PXDNL: variants seen among roughly 807,000 people sequenced by gnomAD.
The protein encoded by PXDNL is probable oxidoreductase PXDNL.
Under a neutral mutation model 150.8 loss-of-function variants are expected in PXDNL, and 145 were observed. The ratio of observed to expected loss-of-function variants is 0.96; its 90% CI spans 0.84 to 1.10. The LOEUF (loss-of-function observed/expected upper bound fraction) is 1.10. Among genes scored for constraint, PXDNL ranks in the 50% least tolerant of loss-of-function variants. The pLI is 0.00. For synonymous variants in PXDNL, 757 were observed against 725.7 expected (o/e 1.04, Z -0.69); for missense variants, 2,087 against 1,873.9 (o/e 1.11, Z -2.10).
chr8:51,436,057 G>A, intron 12 of PXDNL: 2 of 522,474 alleles, frequency 3.8e-6, no homozygotes, highest in Non-Finnish European at 7.8e-6. Flanking sequence ...TAGCCTAGCT[G>A]AACTACAGAT....
chr8:51,496,268 T>C (rs1409149863), intron 5 of PXDNL, among the ~76,000 whole-genome samples: 1 of 152,204 alleles, frequency 6.6e-6, no homozygotes, highest in East Asian at 1.9e-4. Context: ...TAGGTATTGA[T>C]GAGATGTATC....
chr8:51,734,826 G>A (rs1817001269), intron 1 of PXDNL, among the ~76,000 whole-genome samples: 2 of 152,192 alleles, frequency 1.3e-5, no homozygotes, highest in African/African-American at 4.8e-5. Context: ...AGAAATCTGA[G>A]CATGAAAGGC....
At chr8:51,707,755 T>C (rs1195977968) in intron 1 of PXDNL, among the ~76,000 whole-genome samples, 1 of 152,208 alleles carries the variant, frequency 6.6e-6, no homozygotes, top group African/African-American at 2.4e-5. Flanking sequence ...ATTCTTCATA[T>C]GAATGGAATC....
chr8:51,746,151 A>T (rs1488222014), intron 1 of PXDNL, among the ~76,000 whole-genome samples: 2 of 152,226 alleles, frequency 1.3e-5, no homozygotes, highest in Non-Finnish European at 2.9e-5. Context: ...CCAGAGATGT[A>T]GCCATCATCT....
chr8:51,590,556 T>C (rs903115408), intron 3 of PXDNL, among the ~76,000 whole-genome samples: 34 of 152,102 alleles, frequency 2.2e-4, no homozygotes, highest in African/African-American at 8.0e-4. Flanking sequence ...AGGTGGCAAA[T>C]GGAGTAAATG....
intron 1 of PXDNL, among the ~76,000 whole-genome samples, chr8:51,706,871 A>G (rs1293496523): frequency 6.6e-6 from 1 of 152,178 alleles, no homozygotes; most frequent in Non-Finnish European, 1.5e-5. Flanking sequence ...ACAGACGTCA[A>G]CCTTTGAAGC....
At chr8:51,352,016 A>T (rs1389135769) in intron 19 of PXDNL, among the ~76,000 whole-genome samples, 1 of 152,084 alleles carries the variant, frequency 6.6e-6, no homozygotes, top group Non-Finnish European at 1.5e-5. Flanking sequence ...AGCAGGTCAC[A>T]GGTTCTGCTC....
At chr8:51,506,908 T>A (rs1346873870) in intron 4 of PXDNL, among the ~76,000 whole-genome samples, 1 of 152,188 alleles carries the variant, frequency 6.6e-6, no homozygotes, top group Non-Finnish European at 1.5e-5. Context: ...ACCAAATTCA[T>A]TATCTCTGGA....
intron 1 of PXDNL, among the ~76,000 whole-genome samples, chr8:51,790,708 G>A (rs1449923099): frequency 1.1e-5 from 1 of 88,712 alleles, no homozygotes; most frequent in Non-Finnish European, 3.2e-5. Flanking sequence ...CAGCGGGGGC[G>A]AGGTCCGGAT....
At chr8:51,435,841 A>G in intron 12 of PXDNL, 1 of 447,656 alleles carries the variant, frequency 2.2e-6, no homozygotes, top group Non-Finnish European at 4.5e-6. Flanking sequence ...CATTTTATGC[A>G]GGACTTGAGA....
intron 3 of PXDNL, among the ~76,000 whole-genome samples, chr8:51,564,800 G>T (rs971204402): frequency 6.6e-6 from 1 of 151,928 alleles, no homozygotes. Context: ...GTGAAATTTT[G>T]TATATGGGAA....
chr8:51,727,719 G>T (rs1816841204), intron 1 of PXDNL, among the ~76,000 whole-genome samples: 1 of 152,172 alleles, frequency 6.6e-6, no homozygotes, highest in Admixed American at 6.5e-5. Context: ...GGTTAGCTGT[G>T]GAACTAGGGA....
intron 2 of PXDNL, among the ~76,000 whole-genome samples, chr8:51,619,492 G>A (rs1437893756): frequency 1.3e-5 from 2 of 152,190 alleles, no homozygotes; most frequent in Non-Finnish European, 2.9e-5. Flanking sequence ...AATTCCCAAT[G>A]TTGGAGGTGG....
chr8:51,468,366 T>C (rs965063871), intron 8 of PXDNL, among the ~76,000 whole-genome samples: 2 of 151,998 alleles, frequency 1.3e-5, no homozygotes, highest in Admixed American at 1.3e-4. Context: ...ACATCTTTTA[T>C]CATTAAGTAT....
In PXDNL at chr8:51,474,935, A is replaced by G. The variant is rs758352580; in HGVS notation, c.694+37T>C. The G allele has an allele frequency of 4.7e-6, 7 of 1,479,048 alleles. No homozygotes were observed. In the South Asian group the frequency reaches 8.9e-5, roughly 19 times the overall value. The allele number at this position is 1,479,048 out of a possible 1,614,324, so 91.6% of individuals were successfully genotyped here. On this transcript the variant is annotated intron_variant, in intron 7 of 22. Transcript: ENST00000356297. Reference sequence around the variant, plus strand: ...TTTACAAAAAGAGAGCAAATGAGAGACAGTTCTATCTTATGTACACATTGA... The same window carrying G: ...TTTACAAAAAGAGAGCAAATGAGAGGCAGTTCTATCTTATGTACACATTGA...
intron 4 of PXDNL, among the ~76,000 whole-genome samples, chr8:51,526,517 T>C (rs2130408245): frequency 6.6e-6 from 1 of 152,208 alleles, no homozygotes; most frequent in Non-Finnish European, 1.5e-5. Context: ...AAGGAAAGTT[T>C]CCATTTGGGG....
intron 4 of PXDNL, among the ~76,000 whole-genome samples, chr8:51,511,846 C>T (rs961478596): frequency 2.0e-5 from 3 of 152,148 alleles, no homozygotes; most frequent in Non-Finnish European, 4.4e-5. Flanking sequence ...GAGAAAAACA[C>T]AAGAAAAGAG....
chr8:51,712,400 T>A (rs1038688960), intron 1 of PXDNL, among the ~76,000 whole-genome samples: 1 of 152,246 alleles, frequency 6.6e-6, no homozygotes, highest in Admixed American at 6.5e-5. Context: ...TAGAATTCCT[T>A]ACCATCTGAA....
intron 19 of PXDNL, among the ~76,000 whole-genome samples, chr8:51,370,938 C>T (rs541577850): frequency 6.6e-6 from 1 of 152,252 alleles, no homozygotes; most frequent in Admixed American, 6.5e-5. Context: ...CAATTTCCTC[C>T]CCTGACAACA....
Sources: allele counts gnomAD v4.1 joint callset (sites outside exome capture counted in the v4.1 genomes callset), GRCh38; gene constraint gnomAD v4.1.1; transcripts MANE v1.5; gene names NCBI Gene and HGNC (gene_info 2026-07-23, HGNC 2026-07-21).